Variants in SUMF1 observed in about 807,000 individuals in gnomAD.
SUMF1 encodes formylglycine-generating enzyme.
In SUMF1, 48 loss-of-function variants were observed where a neutral mutation model predicts 47.6. The ratio of observed to expected loss-of-function variants is 1.01; its 90% CI spans 0.80 to 1.28. The LOEUF is 1.28. Ranked by LOEUF, SUMF1 falls within the 50% of genes most tolerant of loss-of-function variation. The probability of loss-of-function intolerance (pLI) is 0.00; values close to 1 mark genes in which losing one functional copy is unlikely to be tolerated. For synonymous variants in SUMF1, 230 were observed against 192.1 expected (o/e 1.20, Z -1.63); for missense variants, 571 against 485.4 (o/e 1.18, Z -1.66).
intron 8 of SUMF1, among the ~76,000 whole-genome samples, chr3:4,348,729 G>T (rs1311451813): frequency 6.6e-6 from 1 of 150,488 alleles, no homozygotes; most frequent in Admixed American, 6.6e-5. Context: ...AAAAAAATTA[G>T]CCAGGTGTGG....
At chr3:4,346,738 C>A (rs1446065262) in intron 8 of SUMF1, among the ~76,000 whole-genome samples, 2 of 151,616 alleles carry the variant, frequency 1.3e-5, no homozygotes, top group Non-Finnish European at 2.9e-5. Context: ...ATCACCAAAT[C>A]CATGAGCTGG....
intron 8 of SUMF1, among the ~76,000 whole-genome samples, chr3:4,250,208 G>T (rs892289088): frequency 6.9e-6 from 1 of 145,804 alleles, no homozygotes; most frequent in Non-Finnish European, 1.5e-5. Flanking sequence ...TGAAGGGAGA[G>T]AAAAGAAAGG....
At chr3:4,434,144 GAGCATAC>G (rs1172037380) in intron 3 of SUMF1, among the ~76,000 whole-genome samples, 3 of 152,204 alleles carry the variant, frequency 2.0e-5, no homozygotes, top group African/African-American at 7.2e-5. Context: ...ATTGTTTAAT[GAGCATAC>G]AGCTTCTGTT....
chr3:4,164,403 G>A (rs918336313), intron 8 of SUMF1, among the ~76,000 whole-genome samples: 8 of 152,176 alleles, frequency 5.3e-5, no homozygotes, highest in Non-Finnish European at 1.2e-4. Flanking sequence ...CCTCAGTTCT[G>A]TTGTTGGATC....
At chr3:4,375,720 A>G (rs929380527) in intron 8 of SUMF1, among the ~76,000 whole-genome samples, 61 of 152,302 alleles carry the variant, frequency 4.0e-4, no homozygotes, top group African/African-American at 1.1e-3. Flanking sequence ...TGACTCAAAG[A>G]AAAAAGGGAA....
chr3:4,306,094 C>T (rs560625879), intron 8 of SUMF1, among the ~76,000 whole-genome samples: 5 of 152,262 alleles, frequency 3.3e-5, no homozygotes, highest in African/African-American at 1.2e-4. Context: ...CGCACTCTAC[C>T]CTCAAGGTGT....
At chr3:4,080,364 C>T (rs142548209) in intron 8 of SUMF1, among the ~76,000 whole-genome samples, 15 of 152,248 alleles carry the variant, frequency 9.9e-5, no homozygotes, top group African/African-American at 1.9e-4. Flanking sequence ...CCTCTTGAGC[C>T]ACTGGCCAAG....
intron 8 of SUMF1, among the ~76,000 whole-genome samples, chr3:4,190,119 A>T (rs971376717): frequency 8.5e-5 from 13 of 152,204 alleles, no homozygotes; most frequent in Admixed American, 2.0e-4. Context: ...TTACTTTTTT[A>T]AAAAAATTAA....
At chr3:4,286,646 A>T (rs189777376) in intron 8 of SUMF1, among the ~76,000 whole-genome samples, 1 of 152,316 alleles carries the variant, frequency 6.6e-6, no homozygotes, top group African/African-American at 2.4e-5. Context: ...TGAGGAAAAT[A>T]TAAAAGAATA....
chr3:4,132,464 G>C (rs903641475), intron 8 of SUMF1, among the ~76,000 whole-genome samples: 10 of 152,046 alleles, frequency 6.6e-5, no homozygotes, highest in Non-Finnish European at 1.3e-4. Flanking sequence ...TGTATGCTCT[G>C]AATCACCATC....
chr3:4,355,392 T>C (rs942543446), intron 8 of SUMF1, among the ~76,000 whole-genome samples: 25 of 152,068 alleles, frequency 1.6e-4, no homozygotes, highest in African/African-American at 6.0e-4. Context: ...ATTGAAGAGA[T>C]TAAAACGACA....
At chr3:4,460,664 A>G (rs991270139) in intron 1 of SUMF1, among the ~76,000 whole-genome samples, 1 of 148,622 alleles carries the variant, frequency 6.7e-6, no homozygotes, top group African/African-American at 2.5e-5. Context: ...ATATATATAT[A>G]TATTTTTTAA....
At chr3:4,136,187 A>T (rs576322797) in intron 8 of SUMF1, among the ~76,000 whole-genome samples, 4 of 152,278 alleles carry the variant, frequency 2.6e-5, no homozygotes, top group Admixed American at 2.6e-4. Flanking sequence ...AAGCCAAAAG[A>T]ACAAAGCTGG....
intron 7 of SUMF1, among the ~76,000 whole-genome samples, chr3:4,381,839 G>T (rs1700513856): frequency 6.6e-6 from 1 of 152,200 alleles, no homozygotes; most frequent in African/African-American, 2.4e-5. Context: ...GAGCCCAGGA[G>T]TTCAAGACCG....
intron 8 of SUMF1, among the ~76,000 whole-genome samples, chr3:4,149,005 T>C (rs1694256532): frequency 7.3e-6 from 1 of 136,498 alleles, no homozygotes; most frequent in Admixed American, 7.4e-5. Flanking sequence ...ATTTATGCCC[T>C]GGTACGAGAG....
intron 9 of SUMF1, among the ~76,000 whole-genome samples, chr3:4,058,227 G>T (rs1695222541): frequency 6.6e-6 from 1 of 152,192 alleles, no homozygotes; most frequent in African/African-American, 2.4e-5. Flanking sequence ...CAATCACAAA[G>T]CCATGTTGCT....
chr3:4,415,268 G>C (rs560868978), intron 6 of SUMF1, among the ~76,000 whole-genome samples: 1 of 148,096 alleles, frequency 6.8e-6, no homozygotes, highest in African/African-American at 2.5e-5. Flanking sequence ...TAAAAGAAAT[G>C]ATTATCACGG....
At chr3:4,245,228 A>C (rs1344713134) in intron 8 of SUMF1, among the ~76,000 whole-genome samples, 1 of 152,088 alleles carries the variant, frequency 6.6e-6, no homozygotes, top group Non-Finnish European at 1.5e-5. Context: ...GACTTTCTGA[A>C]GCCTACTTCT....
chr3:4,244,645 C>A (rs891671944), intron 8 of SUMF1, among the ~76,000 whole-genome samples: 1 of 152,192 alleles, frequency 6.6e-6, no homozygotes, highest in Non-Finnish European at 1.5e-5. Context: ...TGATGGGCTT[C>A]CCTTTGTGTG....
Sources: allele counts gnomAD v4.1 joint callset (sites outside exome capture counted in the v4.1 genomes callset), GRCh38; gene constraint gnomAD v4.1.1; transcripts MANE v1.5; gene names NCBI Gene and HGNC (gene_info 2026-07-23, HGNC 2026-07-21).